Variants in SULT4A1 observed in about 807,000 individuals in gnomAD.
SULT4A1 encodes sulfotransferase family 4A member 1.
In SULT4A1, 11 loss-of-function variants were observed where a neutral mutation model predicts 35.2. The observed-to-expected ratio is 0.31, with a 90% CI of 0.20 to 0.52. SULT4A1 has a LOEUF of 0.52. Among genes scored for constraint, SULT4A1 ranks in the 20% least tolerant of loss-of-function variants. SULT4A1 has a pLI of 0.97. For missense variants in SULT4A1, 271 were observed against 383.7 expected, an observed-to-expected ratio of 0.71 and a Z score of 2.45; for synonymous variants, 152 against 151.8, an observed-to-expected ratio of 1.00 and a Z score of -0.01.
chr22:43,852,943 A>C (rs985795513), intron 1 of SULT4A1, among the ~76,000 whole-genome samples: 1 of 152,062 alleles, frequency 6.6e-6, no homozygotes, highest in African/African-American at 2.4e-5. Flanking sequence ...TGGAATGTCC[A>C]GGGCCACAGA....
chr22:43,827,783 G>A lies in SULT4A1; in HGVS notation c.742+1277C>T, dbSNP rs202207293. The A allele has an allele frequency of 2.5e-3, 430 of 169,594 alleles. 1 individual carries two copies. Among genetic ancestry groups the A allele is most frequent in the African/African-American group, 0.015 (359 of 23,556 alleles). The allele number at this position is 169,594 out of a possible 1,614,324, so 10.5% of individuals were successfully genotyped here. A position where few individuals can be genotyped will look rare whatever the true frequency, so the allele number is the denominator to read the frequency against. ...CACACACACACACACACACACACAC[G>A]TGAACCAAAAGGGGTATTTTGGAGA... On this transcript the variant is annotated intron_variant, in intron 6 of 6. Transcript: ENST00000330884.
rs62226118 is a variant in SULT4A1 at position 43,831,482 on chromosome 22, A to C, written c.603+2158T>G. On this transcript the variant is annotated intron_variant, in intron 5 of 6. Transcript: ENST00000330884. ...ACTCCTGGGTATGGGCCCGATAAGCACAAGTGCTGACGTCCACCAAGACTC... is the reference window on the plus strand; with the variant it reads ...ACTCCTGGGTATGGGCCCGATAAGCCCAAGTGCTGACGTCCACCAAGACTC... Among the ~76,000 whole-genome samples, 465 of 152,276 alleles carry C rather than the reference A, an allele frequency of 3.1e-3. 2 individuals are homozygous for C. The highest frequency in any genetic ancestry group is 5.0e-3 in the Non-Finnish European group (338 of 68,022).
chr22:43,829,284 G>A, intron 5 of SULT4A1, 86 bp from the exon 6 acceptor site: 1 of 1,388,240 alleles, frequency 7.2e-7, no homozygotes, highest in Admixed American at 3.1e-5. Context: ...ACACGCTGAG[G>A]ACTTTTTACA....
At chr22:43,850,598 C>T (rs1434963969) in intron 1 of SULT4A1, among the ~76,000 whole-genome samples, 4 of 152,160 alleles carry the variant, frequency 2.6e-5, no homozygotes. Flanking sequence ...GCCCCTGTTC[C>T]CTCTGCTCTC....
intron 1 of SULT4A1, among the ~76,000 whole-genome samples, chr22:43,842,975 A>C (rs1603407418): frequency 2.8e-5 from 4 of 144,586 alleles, no homozygotes; most frequent in African/African-American, 5.2e-5. Context: ...AGTAAACAGC[A>C]TCTCTCTCTC....
intron 4 of SULT4A1, among the ~76,000 whole-genome samples, chr22:43,836,371 G>A (rs1261593044): frequency 1.4e-5 from 2 of 140,798 alleles, no homozygotes; most frequent in African/African-American, 5.5e-5. Context: ...CCAACTGCAG[G>A]TGCCACAGGG....
intron 2 of SULT4A1, among the ~76,000 whole-genome samples, chr22:43,841,387 G>A (rs1329140761): frequency 1.3e-5 from 2 of 152,198 alleles, no homozygotes; most frequent in African/African-American, 2.4e-5. Flanking sequence ...GGGGGTGCCT[G>A]TGGGTGTGTC....
In SULT4A1 at chr22:43,859,238, G is replaced by A. The variant is rs189275692; in HGVS notation, c.169+2976C>T. On this transcript the variant is annotated intron_variant, in intron 1 of 6. Transcript: ENST00000330884. ...TTCAACCCCTGAGTTGTCTGAAAAT[G>A]TAAGACTTAAATGAATCAATCTGGT... 6.6e-5 allele frequency among the ~76,000 whole-genome samples: 10 copies of A among 152,318 alleles called. No homozygotes were observed. In the East Asian group the frequency reaches 1.3e-3, roughly 21 times the overall value.
chr22:43,834,009 T>A (rs1266502047), intron 4 of SULT4A1, among the ~76,000 whole-genome samples: 1 of 152,150 alleles, frequency 6.6e-6, no homozygotes, highest in Admixed American at 6.5e-5. Context: ...ACCGCAACAG[T>A]GCCCGTTACT....
chr22:43,852,349 T>G (rs1387062266), intron 1 of SULT4A1, among the ~76,000 whole-genome samples: 3 of 55,368 alleles, frequency 5.4e-5, no homozygotes, highest in Non-Finnish European at 1.6e-4. Context: ...TTTTTTGTTG[T>G]TTTTTTTTTG....
In SULT4A1 at chr22:43,829,193, C is replaced by A. The variant is rs201501828; in HGVS notation, c.609G>T (p.Leu203=). Residue 203 remains leucine (L), a synonymous_variant, in exon 6 of 7, where the codon CTG becomes CTT. Transcript: ENST00000330884. ...TGGCCAGCTGCTCCACCATCGTCAC[C>A]AGGTCCTGGAAGACAAGTGCAGAGA... ...FLKYEDMHRD[L]VTMVEQLARF... 1.2e-5 allele frequency: 19 copies of A among 1,561,426 alleles called. No individual in the cohort carries two copies. The Middle Eastern group carries it at 1.8e-3, about 151-fold the overall frequency.
At position 43,862,315 on chromosome 22, in the gene SULT4A1, T is replaced by C; in HGVS notation, c.68A>G (p.His23Arg). 2 of 1,560,772 alleles carry C rather than the reference T, an allele frequency of 1.3e-6. No homozygotes were observed. The highest frequency in any genetic ancestry group is 1.7e-6 in the Non-Finnish European group (2 of 1,152,300). Residue 23 changes from histidine to arginine, a missense_variant, in exon 1 of 7, where the codon CAT becomes CGT. Physicochemically the swap from His to Arg is conservative, Grantham distance 29. Transcript: ENST00000330884. ...GEFESKYFEF[H>R]GVRLPPFCRG... ...GCAGAAGGGCGGCAGCCGCACGCCA[T>C]GGAACTCGAAGTACTTGCTCTCGAA...
At chr22:43,835,843 G>A (rs995007042) in intron 4 of SULT4A1, among the ~76,000 whole-genome samples, 28 of 152,224 alleles carry the variant, frequency 1.8e-4, no homozygotes, top group Non-Finnish European at 3.7e-4. Flanking sequence ...AGGACTGCAC[G>A]TGTGGTCCTG....
chr22:43,836,173 C>G (rs3994808), intron 4 of SULT4A1, among the ~76,000 whole-genome samples: 85,671 of 125,516 alleles, frequency 0.68, 25,855 homozygotes, highest in East Asian at 0.9. Context: ...GCCACAGGGA[C>G]CCTGTCTACA....
At chr22:43,846,364 T>C (rs1176516195) in intron 1 of SULT4A1, among the ~76,000 whole-genome samples, 2 of 152,240 alleles carry the variant, frequency 1.3e-5, no homozygotes, top group African/African-American at 4.8e-5. Flanking sequence ...TTCTTTTACA[T>C]GCTCTCTCCT....
rs1191465373 is a variant in SULT4A1, at chr22:43,862,399, T to TCGCCGC, written c.-23_-18dup. ...CTCCGCCATGCCGCCGCCGTCGCCG[T>TCGCCGC]CGCCGCCGCCGCCTCCCGGCTCGCA... On this transcript the variant is annotated 5_prime_UTR_variant, in exon 1 of 7. Coordinates refer to ENST00000330884, the MANE Select transcript of SULT4A1 (RefSeq NM_014351.4). 29 of 1,255,698 alleles carry TCGCCGC rather than the reference T, an allele frequency of 2.3e-5. No individual in the cohort carries two copies. In the East Asian group the frequency reaches 3.6e-4, roughly 15 times the overall value. The allele number at this position is 1,255,698 out of a possible 1,614,324, so 77.8% of individuals were successfully genotyped here.
At chr22:43,831,177 G>C (rs978484948) in intron 5 of SULT4A1, among the ~76,000 whole-genome samples, 1 of 141,650 alleles carries the variant, frequency 7.1e-6, no homozygotes, top group Non-Finnish European at 1.6e-5. Flanking sequence ...CTGGAAGGCA[G>C]AGAAGGATGA....
chr22:43,856,309 A>C (rs187745878), intron 1 of SULT4A1, among the ~76,000 whole-genome samples: 2 of 151,924 alleles, frequency 1.3e-5, no homozygotes, highest in Admixed American at 6.5e-5. Context: ...AAAAACCAAG[A>C]CTCTGCCCTT....
intron 1 of SULT4A1, among the ~76,000 whole-genome samples, chr22:43,847,919 C>G (rs1269441021): frequency 6.6e-6 from 1 of 152,236 alleles, no homozygotes; most frequent in Non-Finnish European, 1.5e-5. Flanking sequence ...AACGTATTCT[C>G]TCACAGTTCT....
Sources: gnomAD v4.1 joint callset for allele counts (sites outside exome capture counted in the v4.1 genomes callset) on GRCh38, gnomAD v4.1.1 for gene constraint, MANE v1.5 for transcripts, NCBI Gene and HGNC (gene_info 2026-07-23, HGNC 2026-07-21) for gene names.